The following PLPP3 variants were observed in gnomAD, a reference collection of about 807,000 sequenced individuals.
PLPP3 encodes the protein PAP2 beta.
Under a neutral mutation model 29.6 loss-of-function variants are expected in PLPP3, and 6 were observed. That is an observed-to-expected ratio of 0.20 (90% CI 0.11 to 0.40). The LOEUF (loss-of-function observed/expected upper bound fraction) is 0.40, where lower values mean the gene tolerates loss of function less well. Among genes scored for constraint, PLPP3 ranks in the 10% least tolerant of loss-of-function variants. The pLI, the probability that PLPP3 is intolerant of heterozygous loss-of-function variation, is 1.00. For synonymous variants in PLPP3, 152 were observed against 159.7 expected (o/e 0.95, Z 0.36); for missense variants, 308 against 407.7 (o/e 0.76, Z 2.11).
Position 56,538,038 on chromosome 1 carries a change from G to C in PLPP3, c.140-926C>G, listed in dbSNP as rs888075697. On this transcript the variant is annotated intron_variant, in intron 1 of 5. Transcript: ENST00000371250. ...CAAGAGCCTCCTAATCAGGCTCATG[G>C]CCCCCATTCCCTTCTACAGATAGCC... is the stretch of plus-strand genomic sequence containing the variant. Among the ~76,000 whole-genome samples, 22 of 152,232 alleles carry C rather than the reference G, an allele frequency of 1.4e-4. 1 individual carries two copies. Among genetic ancestry groups the C allele is most frequent in the Admixed American group, 1.2e-3 (19 of 15,294 alleles).
At chr1:56,557,137 T>C (rs190729970) in intron 1 of PLPP3, among the ~76,000 whole-genome samples, 1 of 151,092 alleles carries the variant, frequency 6.6e-6, no homozygotes, top group Non-Finnish European at 1.5e-5. Context: ...CCCAACACTT[T>C]GGGAGGCCGA....
Position 56,571,443 on chromosome 1 carries a change from C to G in PLPP3, c.139+7435G>C, listed in dbSNP as rs185883376. Among the ~76,000 whole-genome samples the G allele has an allele frequency of 2.6e-5, 4 of 152,220 alleles. No homozygotes were observed. The East Asian group carries it at 5.8e-4, about 22-fold the overall frequency. ...CAGACTCCAGTCTGACTCCAAAGCC[C>G]GTGCTATTCCCCTCACACCTCTCTC... On this transcript the variant is annotated intron_variant, in intron 1 of 5. Transcript: ENST00000371250.
At chr1:56,523,947 T>C (rs1645835685) in intron 3 of PLPP3, 67 bp from the exon 4 acceptor site, 1 of 1,544,656 alleles carries the variant, frequency 6.5e-7, no homozygotes, top group South Asian at 1.1e-5. Flanking sequence ...TGTCTGTCTG[T>C]CTTCCCTCCC....
intron 4 of PLPP3, among the ~76,000 whole-genome samples, chr1:56,514,260 T>A (rs1645766393): frequency 6.6e-6 from 1 of 151,508 alleles, no homozygotes; most frequent in Non-Finnish European, 1.5e-5. Context: ...AAGGGATACT[T>A]GACCAGAATC....
chr1:56,564,196 C>T (rs6702052), intron 1 of PLPP3, among the ~76,000 whole-genome samples: 8,684 of 152,230 alleles, frequency 0.057, 662 homozygotes, highest in African/African-American at 0.17. Flanking sequence ...CTCTGCACAA[C>T]GACTGTCTCA....
intron 1 of PLPP3, among the ~76,000 whole-genome samples, chr1:56,562,328 AT>A (rs550968270): frequency 2.9e-4 from 44 of 152,166 alleles, no homozygotes; most frequent in Non-Finnish European, 4.9e-4. Flanking sequence ...TGTGATCGGG[AT>A]TGTAGTAGTA....
intron 2 of PLPP3, among the ~76,000 whole-genome samples, chr1:56,530,805 G>T (rs564863935): frequency 6.6e-6 from 1 of 152,210 alleles, no homozygotes; most frequent in African/African-American, 2.4e-5. Flanking sequence ...CTGTAACCTT[G>T]TCTACTCCCT....
chr1:56,564,541 G>C (rs1265106372), intron 1 of PLPP3, among the ~76,000 whole-genome samples: 1 of 152,110 alleles, frequency 6.6e-6, no homozygotes, highest in Non-Finnish European at 1.5e-5. Context: ...TCACAGCTAG[G>C]GCAAGCACAG....
intron 1 of PLPP3, among the ~76,000 whole-genome samples, chr1:56,541,361 G>A (rs186089488): frequency 5.6e-4 from 86 of 152,224 alleles, no homozygotes; most frequent in African/African-American, 1.2e-3. Flanking sequence ...AAAGAAAGGC[G>A]AAAATAGCAC....
chr1:56,574,198 C>CA (rs796800020), intron 1 of PLPP3, among the ~76,000 whole-genome samples: 5,648 of 109,618 alleles, frequency 0.052, 129 homozygotes, highest in African/African-American at 0.081. Flanking sequence ...GACTCTGTCT[C>CA]AAAAAAAAAA....
intron 1 of PLPP3, among the ~76,000 whole-genome samples, chr1:56,548,036 G>T (rs1646016790): frequency 6.6e-6 from 1 of 152,216 alleles, no homozygotes; most frequent in South Asian, 2.1e-4. Context: ...CTGTTTACAT[G>T]ATGCCAATCA....
rs1189102049 is a variant in PLPP3, at chr1:56,496,482, G to A, written c.*69C>T. On this transcript the variant is annotated 3_prime_UTR_variant, in exon 6 of 6. Transcript: ENST00000371250. ...TTCCCTACATTCTACTGTCTGATGA[G>A]ATTGGAGAGCAGCAAGAACTTGCTG... 2.5e-6 allele frequency: 4 copies of A among 1,569,630 alleles called. No individual in the cohort carries two copies. Among genetic ancestry groups the A allele is most frequent in the Non-Finnish European group, 3.5e-6 (4 of 1,145,606 alleles).
chr1:56,527,612 C>T (rs1468172232), intron 2 of PLPP3, among the ~76,000 whole-genome samples: 1 of 152,124 alleles, frequency 6.6e-6, no homozygotes, highest in Non-Finnish European at 1.5e-5. Flanking sequence ...GACTCCAGGA[C>T]CACATGGCTT....
intron 4 of PLPP3, among the ~76,000 whole-genome samples, chr1:56,522,565 A>G (rs1010435338): frequency 3.3e-5 from 5 of 152,154 alleles, no homozygotes; most frequent in South Asian, 2.1e-4. Flanking sequence ...CATAAAATCC[A>G]TGTTTAATGT....
intron 4 of PLPP3, among the ~76,000 whole-genome samples, chr1:56,520,972 A>T (rs764379328): frequency 1.3e-5 from 2 of 148,276 alleles, no homozygotes; most frequent in Non-Finnish European, 1.5e-5. Flanking sequence ...GGAGGCTCAC[A>T]TCTGTAGTCC....
Position 56,495,891 on chromosome 1 carries a change from G to T in PLPP3, c.*660C>A, listed in dbSNP as rs1276790775. 1 of 152,664 alleles carries T rather than the reference G, an allele frequency of 6.6e-6. No individual in the cohort carries two copies. The highest frequency in any genetic ancestry group is 2.4e-5 in the African/African-American group (1 of 41,458). The allele number at this position is 152,664 out of a possible 1,614,324, so 9.5% of individuals were successfully genotyped here. On this transcript the variant is annotated 3_prime_UTR_variant, in exon 6 of 6. Coordinates refer to ENST00000371250, the MANE Select transcript of PLPP3 (RefSeq NM_003713.5). ...TGTGCCCTCGATTTCTTCTGAAATT[G>T]TGCTGTTTGTGAAATTCACTCGTCC...
At chr1:56,543,908 T>C (rs1041095762) in intron 1 of PLPP3, among the ~76,000 whole-genome samples, 2 of 152,322 alleles carry the variant, frequency 1.3e-5, no homozygotes, top group East Asian at 1.9e-4. Context: ...GATCTAGTCC[T>C]AGTACTTGGG....
chr1:56,522,452 T>C (rs1394124308), intron 4 of PLPP3, among the ~76,000 whole-genome samples: 1 of 152,102 alleles, frequency 6.6e-6, no homozygotes, highest in Non-Finnish European at 1.5e-5. Context: ...CTGGGTAAAA[T>C]ACACAAAGGG....
At chr1:56,535,101 A>G (rs114003109) in intron 2 of PLPP3, among the ~76,000 whole-genome samples, 1,570 of 152,308 alleles carry the variant, frequency 0.01, 21 homozygotes, top group African/African-American at 0.036. Context: ...CCAAGCACTG[A>G]GTTACTTTAT....
Sources: allele counts gnomAD v4.1 joint callset (sites outside exome capture counted in the v4.1 genomes callset), GRCh38; gene constraint gnomAD v4.1.1; transcripts MANE v1.5; gene names NCBI Gene and HGNC (gene_info 2026-07-23, HGNC 2026-07-21).